RAD17: variants seen among roughly 807,000 people sequenced by gnomAD.
The protein encoded by RAD17 is RAD17 checkpoint clamp loader component.
Under a neutral mutation model 81.5 loss-of-function variants are expected in RAD17, and 31 were observed. That is an observed-to-expected ratio of 0.38 (90% CI 0.29 to 0.51). The LOEUF is 0.51. Among genes scored for constraint, RAD17 ranks in the 20% least tolerant of loss-of-function variants. The probability of loss-of-function intolerance (pLI) is 0.88; values close to 1 mark genes in which losing one functional copy is unlikely to be tolerated. For synonymous variants in RAD17, 261 were observed against 266.2 expected (o/e 0.98, Z 0.19); for missense variants, 681 against 781.2 (o/e 0.87, Z 1.53).
chr5:69,392,960 A>G (rs1764637687), intron 13 of RAD17, 195 bp from the exon 14 acceptor site: 1 of 530,696 alleles, frequency 1.9e-6, no homozygotes, highest in Non-Finnish European at 3.3e-6. Flanking sequence ...AAGCATCAGA[A>G]TTGTTAATTT....
chr5:69,399,863 T>A (rs1338360338), intron 16 of RAD17, among the ~76,000 whole-genome samples, 186 bp from the exon 17 acceptor site: 1 of 152,114 alleles, frequency 6.6e-6, no homozygotes, highest in African/African-American at 2.4e-5. Context: ...AATACTTTAT[T>A]AAACGATGCT....
At chr5:69,397,395 G>A (rs1222817389) in intron 16 of RAD17, among the ~76,000 whole-genome samples, 1 of 152,152 alleles carries the variant, frequency 6.6e-6, no homozygotes, top group African/African-American at 2.4e-5. Context: ...GCCCGCCTTG[G>A]CCTCTCAAAG....
chr5:69,400,581 T>G (rs1401844283), intron 17 of RAD17, among the ~76,000 whole-genome samples: 1 of 151,314 alleles, frequency 6.6e-6, no homozygotes, highest in African/African-American at 2.4e-5. Context: ...GTGAGATACT[T>G]TTTTTCCTTT....
At chr5:69,393,908 G>GTTTT (rs34500104) in intron 15 of RAD17, among the ~76,000 whole-genome samples, 2,756 of 73,056 alleles carry the variant, frequency 0.038, 153 homozygotes, top group Non-Finnish European at 0.04. Context: ...TGTTATGGTG[G>GTTTT]TTTTTTTTTT....
At chr5:69,375,806 C>T (rs1763297566) in intron 6 of RAD17, among the ~76,000 whole-genome samples, 1 of 151,064 alleles carries the variant, frequency 6.6e-6, no homozygotes, top group Non-Finnish European at 1.5e-5. Flanking sequence ...TCACACGTTG[C>T]ATTTGGCTGT....
Position 69,386,246 on chromosome 5 carries a change from T to A in RAD17, c.765T>A (p.Asn255Lys), listed in dbSNP as rs765946715. Residue 255 changes from asparagine to lysine, a missense_variant, in exon 10 of 19, where the codon AAT becomes AAA. Asn to Lys is a moderately conservative substitution (Grantham distance 94). Transcript: ENST00000354868. The stretch of plus-strand genomic sequence containing the variant: ...TCTCGGACAGTCTCAGTGGAGATAA[T>A]AATCAAAGGTTATTGTTTCCCAAAG... ...FIISDSLSGDNNQRLLFPKEI... is the reference protein window; with the variant it reads ...FIISDSLSGDKNQRLLFPKEI... 1 of 1,608,006 alleles carries A rather than the reference T, an allele frequency of 6.2e-7. No individual in the cohort carries two copies. The highest frequency in any genetic ancestry group is 1.7e-5 in the Admixed American group (1 of 59,826).
At chr5:69,403,798 G>T (rs1305866535) in intron 17 of RAD17, among the ~76,000 whole-genome samples, 3 of 152,078 alleles carry the variant, frequency 2.0e-5, no homozygotes, top group Non-Finnish European at 4.4e-5. Flanking sequence ...GCTTGCACCT[G>T]TAGTCCCAGC....
intron 17 of RAD17, among the ~76,000 whole-genome samples, chr5:69,406,779 C>G (rs560442017): frequency 6.6e-6 from 1 of 151,878 alleles, no homozygotes; most frequent in African/African-American, 2.4e-5. Context: ...AGTGCTGGGA[C>G]TACAGGTGTG....
intron 5 of RAD17, 78 bp downstream of exon 5, chr5:69,374,165 A>G: frequency 7.9e-7 from 1 of 1,266,858 alleles, no homozygotes; most frequent in Non-Finnish European, 1.1e-6. Context: ...AGAGGGATTT[A>G]CATTTTCAGA....
rs1561230263 is a variant in RAD17 at position 69,371,435 on chromosome 5, TTCCC to T, written c.-279-18_-279-15del. 4.4e-6 allele frequency: 2 copies of T among 455,156 alleles called. No homozygotes were observed. Among genetic ancestry groups the T allele is most frequent in the East Asian group, 4.0e-5 (1 of 24,692 alleles). The allele number at this position is 455,156 out of a possible 1,614,324, so 28.2% of individuals were successfully genotyped here. A position where few individuals can be genotyped will look rare whatever the true frequency, so the allele number is the denominator to read the frequency against. The stretch of plus-strand genomic sequence containing the variant: ...CAGTTTTTCTTCATTTGAGGGCTTC[TTCCC>T]CCCCCCCCCCCCAGGTGAATTATAG... On this transcript the variant is annotated splice_polypyrimidine_tract_variant and intron_variant, in intron 2 of 18. Transcript: ENST00000354868.
chr5:69,381,478 T>C (rs1763854824), intron 6 of RAD17, among the ~76,000 whole-genome samples: 1 of 148,692 alleles, frequency 6.7e-6, no homozygotes, highest in African/African-American at 2.5e-5. Flanking sequence ...AAGACTCGTC[T>C]CAAAAAAAAA....
intron 11 of RAD17, among the ~76,000 whole-genome samples, chr5:69,388,205 GAATT>G (rs1764333936): frequency 6.6e-6 from 1 of 152,046 alleles, no homozygotes; most frequent in African/African-American, 2.4e-5. Context: ...TTTTTTTAGT[GAATT>G]GATTAGTTCA....
chr5:69,375,116 G>A (rs888268128), intron 6 of RAD17, among the ~76,000 whole-genome samples: 1 of 152,058 alleles, frequency 6.6e-6, no homozygotes, highest in African/African-American at 2.4e-5. Flanking sequence ...ACCAAAAACC[G>A]TAAAAAGCAA....
chr5:69,402,031 T>G (rs926392617), intron 17 of RAD17, among the ~76,000 whole-genome samples: 1 of 141,664 alleles, frequency 7.1e-6, no homozygotes, highest in African/African-American at 2.5e-5. Flanking sequence ...AAAAAAAGAT[T>G]ACACTAGTTT....
At chr5:69,395,025 C>T (rs1475626091) in intron 15 of RAD17, among the ~76,000 whole-genome samples, 1 of 152,098 alleles carries the variant, frequency 6.6e-6, no homozygotes, top group African/African-American at 2.4e-5. Context: ...GCACTCCAGC[C>T]TGGGCAATAG....
rs745958758 is a variant in RAD17, at chr5:69,386,474, C to G, written c.894+9C>G. 3.2e-6 allele frequency: 5 copies of G among 1,571,904 alleles called. No homozygotes were observed. In the Admixed American group the frequency reaches 5.8e-5, roughly 18 times the overall value. On this transcript the variant is annotated intron_variant, in intron 11 of 18. Transcript: ENST00000354868. ...CTATAGAAGCTAACAAGGTAAGTCT[C>G]TGATTAATTAAACCTTACTCGATAA...
At chr5:69,375,024 G>A (rs1763249794) in intron 6 of RAD17, among the ~76,000 whole-genome samples, 1 of 152,178 alleles carries the variant, frequency 6.6e-6, no homozygotes, top group African/African-American at 2.4e-5. Context: ...GCTGAGGTGG[G>A]AGGATCGCCT....
At chr5:69,379,648 A>T (rs1215313262) in intron 6 of RAD17, among the ~76,000 whole-genome samples, 1 of 151,086 alleles carries the variant, frequency 6.6e-6, no homozygotes, top group Non-Finnish European at 1.5e-5. Context: ...TTTTGTATTT[A>T]AAAAAAAATT....
Position 69,400,153 on chromosome 5 carries a change from T to C in RAD17, c.1677T>C (p.Ile559=). The part of the protein sequence containing the change: ...QLLPYLALLT[I]PMRNQAQISF... ...TGCCATACCTTGCTCTACTAACCATTCCAATGAGAAATCAAGGTAATAACA... is the reference window on the plus strand; with the variant it reads ...TGCCATACCTTGCTCTACTAACCATCCCAATGAGAAATCAAGGTAATAACA... Residue 559 remains isoleucine (I), a synonymous_variant, in exon 17 of 19, where the codon ATT becomes ATC. Coordinates refer to ENST00000354868, the MANE Select transcript of RAD17 (RefSeq NM_133338.3). 1 of 1,541,796 alleles carries C rather than the reference T, an allele frequency of 6.5e-7. No homozygotes were observed. Among genetic ancestry groups the C allele is most frequent in the African/African-American group, 1.4e-5 (1 of 72,948 alleles).
Sources: allele counts gnomAD v4.1 joint callset (sites outside exome capture counted in the v4.1 genomes callset), GRCh38; gene constraint gnomAD v4.1.1; transcripts MANE v1.5; gene names NCBI Gene and HGNC (gene_info 2026-07-23, HGNC 2026-07-21).